Variants in ZFAT observed in about 807,000 individuals in gnomAD.
ZFAT encodes the protein zinc finger and AT-hook domain containing.
ZFAT carries 64 observed loss-of-function variants against 117.7 expected under a neutral mutation model. The ratio of observed to expected loss-of-function variants is 0.54; its 90% CI spans 0.44 to 0.67. The LOEUF is 0.67. Ranked by LOEUF, ZFAT falls within the 30% of genes least tolerant of loss-of-function variation. The probability of loss-of-function intolerance (pLI) is 0.00; values close to 1 mark genes in which losing one functional copy is unlikely to be tolerated. For missense variants in ZFAT, 1,433 were observed against 1,584.5 expected (o/e 0.90, Z 1.62); for synonymous variants, 679 against 615.0 (o/e 1.10, Z -1.54).
At chr8:134,638,998 A>G (rs1403316725) in intron 2 of ZFAT, among the ~76,000 whole-genome samples, 1 of 152,202 alleles carries the variant, frequency 6.6e-6, no homozygotes, top group Admixed American at 6.5e-5. Flanking sequence ...GTACACGTGC[A>G]TCTGTAGAAT....
At chr8:134,760,451 CCA>C in the ZFAT span, among the ~76,000 whole-genome samples, 2 of 152,216 alleles carry the variant, frequency 1.3e-5, no homozygotes, top group South Asian at 4.2e-4. Flanking sequence ...TGAGAGAGGA[CCA>C]CACTTACCTC....
At chr8:134,687,883 C>T (rs1350817015) in intron 1 of ZFAT, among the ~76,000 whole-genome samples, 3 of 152,170 alleles carry the variant, frequency 2.0e-5, no homozygotes, top group African/African-American at 4.8e-5. Flanking sequence ...TCTGTTCCTC[C>T]GTGGGGCAGG....
At chr8:134,716,151 A>G (rs1814209052), upstream of ZFAT, among the ~76,000 whole-genome samples, 1 of 143,830 alleles carries the variant, frequency 7.0e-6, no homozygotes. Flanking sequence ...ATTTATATAT[A>G]TATATATATG....
rs149843147 is a variant in ZFAT at position 134,516,412 on chromosome 8, T to C, written c.3235-3811A>G. Among the ~76,000 whole-genome samples the C allele has an allele frequency of 2.6e-3, 399 of 152,322 alleles. 1 individual carries two copies. The highest frequency in any genetic ancestry group is 9.2e-3 in the African/African-American group (384 of 41,566). On this transcript the variant is annotated intron_variant, in intron 13 of 15. Transcript: ENST00000377838. ...CTAAACCCATGACATCATTAGAAGG[T>C]TGCAACATGGTAATATTCTAATTTT...
At chr8:134,617,025 G>C (rs1459039824) in intron 3 of ZFAT, among the ~76,000 whole-genome samples, 1 of 152,114 alleles carries the variant, frequency 6.6e-6, no homozygotes, top group African/African-American at 2.4e-5. Flanking sequence ...ACATATCTGG[G>C]ACACCACCCC....
At chr8:134,694,276 T>C (rs1420196315) in intron 1 of ZFAT, among the ~76,000 whole-genome samples, 2 of 152,218 alleles carry the variant, frequency 1.3e-5, no homozygotes, top group African/African-American at 2.4e-5. Context: ...ACACTGATGC[T>C]GTTTCTCACT....
chr8:134,564,996 T>A (rs1824328186), intron 11 of ZFAT: 1 of 1,272,996 alleles, frequency 7.9e-7, no homozygotes, highest in Non-Finnish European at 1.0e-6. Context: ...CCTGCAGCAA[T>A]CCAGGATCTG....
At chr8:134,585,904 T>C (rs1826036124) in intron 9 of ZFAT, among the ~76,000 whole-genome samples, 1 of 152,252 alleles carries the variant, frequency 6.6e-6, no homozygotes, top group South Asian at 2.1e-4. Context: ...GTCACAGGTA[T>C]GCACAAAATT....
chr8:134,512,380 T>A, intron 14 of ZFAT, 95 bp downstream of exon 14: 1 of 1,518,398 alleles, frequency 6.6e-7, no homozygotes, highest in Non-Finnish European at 8.9e-7. Context: ...CGGAAGTAGA[T>A]CACCTGATGG....
At chr8:134,729,508 T>C in the ZFAT span, among the ~76,000 whole-genome samples, 31 of 152,158 alleles carry the variant, frequency 2.0e-4, no homozygotes, top group Non-Finnish European at 1.5e-5. Context: ...ATTTTTTTTG[T>C]ATTTTTAGTA....
chr8:134,514,238 G>A (rs16905163), intron 13 of ZFAT, among the ~76,000 whole-genome samples: 2,864 of 152,242 alleles, frequency 0.019, 76 homozygotes, highest in African/African-American at 0.064. Flanking sequence ...TATTTCTGTT[G>A]GGTTCACGGC....
the ZFAT span, among the ~76,000 whole-genome samples, chr8:134,756,807 T>C: frequency 6.6e-6 from 1 of 152,200 alleles, no homozygotes; most frequent in Non-Finnish European, 1.5e-5. Flanking sequence ...TTGGGACGCC[T>C]GGAGTGAGAG....
At chr8:134,754,416 A>C in the ZFAT span, among the ~76,000 whole-genome samples, 9 of 152,216 alleles carry the variant, frequency 5.9e-5, no homozygotes, top group South Asian at 2.1e-4. Context: ...CCAAGGTCAA[A>C]AGGGGTAGGT....
intron 11 of ZFAT, among the ~76,000 whole-genome samples, chr8:134,543,382 T>C (rs1822431849): frequency 6.6e-6 from 1 of 152,396 alleles, no homozygotes; most frequent in Admixed American, 6.5e-5. Flanking sequence ...ATGCAGGAGA[T>C]GTGCAGGAGC....
intron 15 of ZFAT, among the ~76,000 whole-genome samples, chr8:134,489,193 G>A (rs559093456): frequency 2.0e-5 from 3 of 152,214 alleles, no homozygotes; most frequent in South Asian, 4.1e-4. Flanking sequence ...AGGGGACTAT[G>A]GGGAAGAGGA....
intron 5 of ZFAT, among the ~76,000 whole-genome samples, chr8:134,607,158 G>C (rs4909311): frequency 0.76 from 115,147 of 152,096 alleles, 43,868 homozygotes; most frequent in East Asian, 0.91. Context: ...GAACCTCCCC[G>C]CCAACAGACC....
chr8:134,543,374 G>A (rs1371348195), intron 11 of ZFAT, among the ~76,000 whole-genome samples: 1 of 152,248 alleles, frequency 6.6e-6, no homozygotes, highest in South Asian at 2.1e-4. Flanking sequence ...CCAGGCACAT[G>A]CAGGAGATGT....
chr8:134,522,198 G>A (rs1018696591), intron 12 of ZFAT, among the ~76,000 whole-genome samples: 3 of 152,250 alleles, frequency 2.0e-5, no homozygotes, highest in Non-Finnish European at 2.9e-5. Flanking sequence ...GGCCCGGGCA[G>A]GGCAGCAATG....
chr8:134,509,852 G>T (rs1819684839), intron 14 of ZFAT, 103 bp from the exon 15 acceptor site: 1 of 1,417,136 alleles, frequency 7.1e-7, no homozygotes, highest in East Asian at 2.3e-5. Context: ...GCCTTCTCCA[G>T]AGGATGCATG....
Sources: gnomAD v4.1 joint callset for allele counts (sites outside exome capture counted in the v4.1 genomes callset) on GRCh38, gnomAD v4.1.1 for gene constraint, MANE v1.5 for transcripts, NCBI Gene and HGNC (gene_info 2026-07-23, HGNC 2026-07-21) for gene names.